The following SEMA3E variants were observed in gnomAD, a reference collection of about 807,000 sequenced individuals.
SEMA3E encodes the protein semaphorin 3E.
Under a neutral mutation model 93.6 loss-of-function variants are expected in SEMA3E, and 49 were observed. The observed-to-expected ratio is 0.52, with a 90% CI of 0.42 to 0.66. SEMA3E has a LOEUF of 0.66. SEMA3E is among the 30% of genes least tolerant of loss of function. SEMA3E has a pLI of 0.00. For missense variants in SEMA3E, 906 were observed against 964.8 expected, an observed-to-expected ratio of 0.94 and a Z score of 0.81; for synonymous variants, 363 against 330.7, an observed-to-expected ratio of 1.10 and a Z score of -1.06.
At chr7:83,595,943 A>G in intron 1 of SEMA3E, among the ~76,000 whole-genome samples, 1 of 152,070 alleles carries the variant, frequency 6.6e-6, no homozygotes, top group Non-Finnish European at 1.5e-5. Context: ...ACTTTTGCCC[A>G]CTAATTTTAG....
At chr7:83,393,288 C>G (rs1788053927) in intron 13 of SEMA3E, among the ~76,000 whole-genome samples, 1 of 151,898 alleles carries the variant, frequency 6.6e-6, no homozygotes, top group Non-Finnish European at 1.5e-5. Flanking sequence ...AATCCCAGCA[C>G]TTTGGGAGGC....
At chr7:83,610,542 C>T (rs1287509135) in intron 1 of SEMA3E, among the ~76,000 whole-genome samples, 1 of 151,964 alleles carries the variant, frequency 6.6e-6, no homozygotes, top group Non-Finnish European at 1.5e-5. Context: ...TTTTCCTAGC[C>T]CATTCTAGAA....
At chr7:83,409,206 C>A (rs990015844) in intron 5 of SEMA3E, among the ~76,000 whole-genome samples, 1 of 152,068 alleles carries the variant, frequency 6.6e-6, no homozygotes, top group African/African-American at 2.4e-5. Context: ...AGGAAATAAC[C>A]ATGTGTCTTT....
intron 1 of SEMA3E, among the ~76,000 whole-genome samples, chr7:83,505,982 T>A (rs1790695923): frequency 1.5e-5 from 2 of 131,248 alleles, no homozygotes; most frequent in Admixed American, 1.8e-4. Flanking sequence ...ACCACTGCAC[T>A]CCAGCCTGGG....
At chr7:83,615,363 C>T (rs1451381766) in intron 1 of SEMA3E, among the ~76,000 whole-genome samples, 1 of 151,760 alleles carries the variant, frequency 6.6e-6, no homozygotes, top group Non-Finnish European at 1.5e-5. Flanking sequence ...CCTTACTTAG[C>T]AGACAGTGTG....
chr7:83,405,410 T>C lies in SEMA3E; in HGVS notation c.998+40A>G, dbSNP rs201333853. On this transcript the variant is annotated intron_variant, in intron 9 of 16. Coordinates refer to ENST00000643230, the MANE Select transcript of SEMA3E (RefSeq NM_012431.3). ...AAGGGAGAGTCCGGTGAGGCATCTCTTGTTCTATATTGTTTTTATTGACTG... is the reference window on the plus strand; with the variant it reads ...AAGGGAGAGTCCGGTGAGGCATCTCCTGTTCTATATTGTTTTTATTGACTG... The C allele has an allele frequency of 3.1e-4, 443 of 1,441,086 alleles. 1 individual carries two copies. Among genetic ancestry groups the C allele is most frequent in the Admixed American group, 1.7e-4 (10 of 59,496 alleles). 89.3% of individuals were successfully genotyped at this position (1,441,086 alleles called of 1,614,324 possible). A position where few individuals can be genotyped will look rare whatever the true frequency, so the allele number is the denominator to read the frequency against.
At chr7:83,521,628 CA>C (rs1791050699) in intron 1 of SEMA3E, among the ~76,000 whole-genome samples, 1 of 152,098 alleles carries the variant, frequency 6.6e-6, no homozygotes, top group African/African-American at 2.4e-5. Flanking sequence ...CTGGGAAGTT[CA>C]AGATCAAGGT....
intron 1 of SEMA3E, among the ~76,000 whole-genome samples, chr7:83,619,813 G>A (rs1793509200): frequency 6.6e-6 from 1 of 151,638 alleles, no homozygotes; most frequent in African/African-American, 2.4e-5. Context: ...TGGAAAAGAA[G>A]ATATAATATC....
intron 4 of SEMA3E, among the ~76,000 whole-genome samples, chr7:83,447,615 G>C (rs1789261192): frequency 6.6e-6 from 1 of 152,194 alleles, no homozygotes; most frequent in African/African-American, 2.4e-5. Context: ...AAAAGTGAAA[G>C]ATGAACACGG....
chr7:83,452,470 T>A (rs1197054488), intron 4 of SEMA3E, among the ~76,000 whole-genome samples: 1 of 152,140 alleles, frequency 6.6e-6, no homozygotes, highest in Non-Finnish European at 1.5e-5. Context: ...AACATAAGCA[T>A]CACGCTGTTT....
intron 5 of SEMA3E, among the ~76,000 whole-genome samples, chr7:83,416,828 T>C (rs1323047264): frequency 6.6e-6 from 1 of 151,998 alleles, no homozygotes; most frequent in African/African-American, 2.4e-5. Context: ...TAAATTTTAA[T>C]GTATATTCTG....
chr7:83,640,314 A>G (rs1339211954), intron 1 of SEMA3E, among the ~76,000 whole-genome samples: 1 of 152,176 alleles, frequency 6.6e-6, no homozygotes, highest in East Asian at 1.9e-4. Context: ...CTCAGAGAAA[A>G]CAAACCAAAA....
chr7:83,491,934 T>G (rs1790393313), intron 1 of SEMA3E, among the ~76,000 whole-genome samples: 1 of 152,006 alleles, frequency 6.6e-6, no homozygotes, highest in Non-Finnish European at 1.5e-5. Flanking sequence ...CAGGTTGGGA[T>G]CCACTAGCAT....
chr7:83,638,001 G>A (rs1357905177), intron 1 of SEMA3E, among the ~76,000 whole-genome samples: 2 of 151,868 alleles, frequency 1.3e-5, no homozygotes, highest in Non-Finnish European at 2.9e-5. Flanking sequence ...AAATTAAAGT[G>A]TTTAAAGCAA....
chr7:83,531,457 C>T (rs1791299567), intron 1 of SEMA3E, among the ~76,000 whole-genome samples: 1 of 142,906 alleles, frequency 7.0e-6, no homozygotes, highest in Admixed American at 7.6e-5. Context: ...AGTGATTCTC[C>T]TGCCTCAGCC....
chr7:83,423,857 G>A (rs1032459064), intron 4 of SEMA3E, among the ~76,000 whole-genome samples: 1 of 152,000 alleles, frequency 6.6e-6, no homozygotes, highest in Admixed American at 6.6e-5. Flanking sequence ...GGTGATGGGT[G>A]CATCAAAATC....
At position 83,367,614 on chromosome 7, in the gene SEMA3E, C is replaced by A. The variant is rs746701899; in HGVS notation, c.2300G>T (p.Arg767Leu). 3.1e-6 allele frequency: 5 copies of A among 1,614,080 alleles called. No individual in the cohort carries two copies. The highest frequency in any genetic ancestry group is 4.2e-6 in the Non-Finnish European group (5 of 1,179,986). The change falls in exon 17 of 17, where the codon CGC becomes CTC. Residue 767 changes from arginine to leucine, a missense_variant. By Grantham distance (102) the Arg-to-Leu change is moderately radical. Coordinates refer to ENST00000643230, the MANE Select transcript of SEMA3E (RefSeq NM_012431.3). ...KKLRSKPEHY[R>L]LPRHTLDS ...GGAGTCCAGCGTGTGCCTGGGCAGG[C>A]GGTAATGCTCAGGTTTGGAACGGAG...
intron 1 of SEMA3E, among the ~76,000 whole-genome samples, chr7:83,525,752 T>A (rs1791143569): frequency 6.6e-6 from 1 of 151,094 alleles, no homozygotes; most frequent in South Asian, 2.1e-4. Context: ...ATAGTTTGTT[T>A]CTTCTAAGTT....
At chr7:83,506,313 G>A (rs999821532) in intron 1 of SEMA3E, among the ~76,000 whole-genome samples, 5 of 152,136 alleles carry the variant, frequency 3.3e-5, no homozygotes, top group Non-Finnish European at 7.4e-5. Flanking sequence ...CCAGTCATTT[G>A]CAACAATATG....
Sources: gnomAD v4.1 joint callset for allele counts (sites outside exome capture counted in the v4.1 genomes callset) on GRCh38, gnomAD v4.1.1 for gene constraint, MANE v1.5 for transcripts, NCBI Gene and HGNC (gene_info 2026-07-23, HGNC 2026-07-21) for gene names.